NBEA: variants seen among roughly 807,000 people sequenced by gnomAD.
The protein encoded by NBEA is lysosomal-trafficking regulator 2.
In NBEA, 44 loss-of-function variants were observed where a neutral mutation model predicts 343.4. The observed-to-expected ratio is 0.13, with a 90% CI of 0.10 to 0.16. The LOEUF (loss-of-function observed/expected upper bound fraction) is 0.16. Among genes scored for constraint, NBEA ranks in the 10% least tolerant of loss-of-function variants. NBEA has a pLI of 1.00. For missense variants in NBEA, 2,555 were observed against 3,631.3 expected, an observed-to-expected ratio of 0.70 and a Z score of 7.62; for synonymous variants, 1,175 against 1,238.7, an observed-to-expected ratio of 0.95 and a Z score of 1.08.
chr13:35,613,545 A>G (rs2082613310), intron 48 of NBEA, among the ~76,000 whole-genome samples: 1 of 152,144 alleles, frequency 6.6e-6, no homozygotes. Flanking sequence ...TACTGATTTC[A>G]GTTACTTTGG....
At position 35,208,715 on chromosome 13, in the gene NBEA, T is replaced by A; in HGVS notation, c.5382T>A (p.Pro1794=). The change falls in exon 32 of 59, where the codon CCT becomes CCA. Residue 1794 remains proline, a synonymous_variant. Transcript: ENST00000379939. ...TTCTTTGCAGGAGTGTTGTGGTGCC[T>A]GTAAAGAAACCACCTCCAGGTAGTT... The part of the protein sequence containing the change: ...FHSFDRSVVV[P]VKKPPPGSLA... The A allele has an allele frequency of 1.3e-6, 2 of 1,598,762 alleles. No individual in the cohort carries two copies. Among genetic ancestry groups the A allele is most frequent in the Non-Finnish European group, 8.5e-7 (1 of 1,171,444 alleles).
At chr13:35,391,537 T>C (rs1260100707) in intron 38 of NBEA, among the ~76,000 whole-genome samples, 5 of 152,180 alleles carry the variant, frequency 3.3e-5, no homozygotes, top group African/African-American at 7.2e-5. Context: ...TTCTACAAGT[T>C]TACCTTGCTT....
chr13:35,548,434 G>T (rs977624977), intron 41 of NBEA, among the ~76,000 whole-genome samples: 2 of 152,140 alleles, frequency 1.3e-5, no homozygotes, highest in Admixed American at 6.6e-5. Context: ...ATATGACTCT[G>T]TGTGTGTATA....
intron 34 of NBEA, among the ~76,000 whole-genome samples, chr13:35,275,809 C>T (rs532036591): frequency 6.6e-6 from 1 of 152,212 alleles, no homozygotes; most frequent in East Asian, 1.9e-4. Context: ...AATGAGATAC[C>T]ATCTCATGCC....
intron 1 of NBEA, among the ~76,000 whole-genome samples, chr13:34,991,719 C>A (rs933687679): frequency 1.3e-5 from 2 of 152,142 alleles, no homozygotes; most frequent in African/African-American, 2.4e-5. Flanking sequence ...ATATATTATT[C>A]TATGTTTACC....
intron 1 of NBEA, among the ~76,000 whole-genome samples, chr13:34,968,877 A>AATATCAATTGATTG (rs1433724034): frequency 1.2e-4 from 19 of 152,166 alleles, no homozygotes; most frequent in African/African-American, 3.9e-4. Flanking sequence ...AATATCAATT[A>AATATCAATTGATTG]TTAATATCAA....
At chr13:35,247,903 A>C (rs77400589) in intron 34 of NBEA, among the ~76,000 whole-genome samples, 2,388 of 152,284 alleles carry the variant, frequency 0.016, 60 homozygotes, top group African/African-American at 0.055. Context: ...GATTCAAATA[A>C]AGTAAAAAAT....
chr13:35,260,178 T>G (rs1254617618), intron 34 of NBEA, among the ~76,000 whole-genome samples: 1 of 152,214 alleles, frequency 6.6e-6, no homozygotes, highest in Non-Finnish European at 1.5e-5. Flanking sequence ...AAAGTCAGTC[T>G]TTAGCCAAGG....
chr13:35,181,440 G>T (rs1393661517), intron 28 of NBEA, among the ~76,000 whole-genome samples: 2 of 149,848 alleles, frequency 1.3e-5, no homozygotes, highest in Non-Finnish European at 3.0e-5. Context: ...TCATATATTT[G>T]TTGTTGGCTA....
At chr13:35,567,232 T>G (rs1443378347) in intron 45 of NBEA, among the ~76,000 whole-genome samples, 3 of 152,204 alleles carry the variant, frequency 2.0e-5, no homozygotes, top group Non-Finnish European at 4.4e-5. Context: ...GAAATGGGTA[T>G]TTGAGAAACA....
chr13:35,193,033 G>T (rs10492722), intron 30 of NBEA, among the ~76,000 whole-genome samples: 14,293 of 151,794 alleles, frequency 0.094, 885 homozygotes, highest in African/African-American at 0.19. Context: ...ATAAAAATTA[G>T]CCCATGCTAG....
At chr13:35,653,330 T>TTTTTTTTTTTTTTTTTTA (rs2084652803) in intron 53 of NBEA, among the ~76,000 whole-genome samples, 1 of 1,024 alleles carries the variant, frequency 9.8e-4, no homozygotes, top group Non-Finnish European at 2.7e-3. Flanking sequence ...CTTGGGTTCT[T>TTTTTTTTTTTTTTTTTTA]TTTTTTTTTT....
chr13:35,358,783 A>C (rs2040642277), intron 38 of NBEA, among the ~76,000 whole-genome samples: 1 of 152,198 alleles, frequency 6.6e-6, no homozygotes, highest in South Asian at 2.1e-4. Context: ...AAAAGTGCCA[A>C]GTACTTTGAA....
At chr13:35,543,613 C>T (rs1488726945) in intron 41 of NBEA, among the ~76,000 whole-genome samples, 1 of 152,056 alleles carries the variant, frequency 6.6e-6, no homozygotes, top group African/African-American at 2.4e-5. Flanking sequence ...ATGCTCCTAC[C>T]CCTCAACAGA....
intron 36 of NBEA, among the ~76,000 whole-genome samples, chr13:35,339,810 C>T (rs1213053047): frequency 2.0e-5 from 3 of 151,950 alleles, no homozygotes; most frequent in Non-Finnish European, 2.9e-5. Context: ...ATCATGAGAA[C>T]AGCAGCAAGA....
intron 1 of NBEA, among the ~76,000 whole-genome samples, chr13:35,001,683 T>C (rs572793740): frequency 5.3e-5 from 8 of 152,010 alleles, no homozygotes; most frequent in Non-Finnish European, 1.0e-4. Context: ...GGAGGAAGGA[T>C]AGGAAGAGAT....
chr13:35,280,713 T>C (rs1305866368), intron 34 of NBEA, among the ~76,000 whole-genome samples: 1 of 152,104 alleles, frequency 6.6e-6, no homozygotes, highest in Non-Finnish European at 1.5e-5. Context: ...GCACACTACT[T>C]ATAGAATCAA....
chr13:35,208,966 A>T (rs2073584069), intron 32 of NBEA, 112 bp downstream of exon 32: 5 of 879,678 alleles, frequency 5.7e-6, no homozygotes, highest in Non-Finnish European at 8.1e-6. Flanking sequence ...GATTATCTTA[A>T]TTTTTAAGAA....
At chr13:35,528,271 C>T (rs1289407198) in intron 41 of NBEA, among the ~76,000 whole-genome samples, 1 of 152,172 alleles carries the variant, frequency 6.6e-6, no homozygotes, top group Non-Finnish European at 1.5e-5. Flanking sequence ...TGTAATCAAA[C>T]TCTGTTTGTC....
Sources: allele counts gnomAD v4.1 joint callset (sites outside exome capture counted in the v4.1 genomes callset), GRCh38; gene constraint gnomAD v4.1.1; transcripts MANE v1.5; gene names NCBI Gene and HGNC (gene_info 2026-07-23, HGNC 2026-07-21).